Variants in RPL27 observed in about 807,000 individuals in gnomAD.
RPL27 encodes the protein ribosomal protein L27.
For missense variants in RPL27, 131 were observed against 174.3 expected, an observed-to-expected ratio of 0.75 and a Z score of 1.40; for synonymous variants, 77 against 61.0, an observed-to-expected ratio of 1.26 and a Z score of -1.22.
intron 3 of RPL27, among the ~76,000 whole-genome samples, chr17:43,001,903 AAC>A (rs916790448): frequency 3.3e-5 from 5 of 151,382 alleles, no homozygotes; most frequent in East Asian, 1.9e-4. Context: ...CATCCTGGCT[AAC>A]ACAGTGAAAC....
At chr17:43,000,776 CG>C (rs1305261183) in intron 3 of RPL27, among the ~76,000 whole-genome samples, 27 of 149,930 alleles carry the variant, frequency 1.8e-4, no homozygotes, top group Non-Finnish European at 3.6e-4. Flanking sequence ...TACAAGAGGC[CG>C]GGCACAATGG....
At chr17:42,999,047 G>A in intron 2 of RPL27, 1 of 539,036 alleles carries the variant, frequency 1.9e-6, no homozygotes, top group South Asian at 2.1e-5. Context: ...TCCACCAGAG[G>A]CTTTAAATAT....
chr17:43,000,740 G>A lies in RPL27; in HGVS notation c.251+638G>A, dbSNP rs530010184. Among the ~76,000 whole-genome samples the A allele has an allele frequency of 5.4e-5, 8 of 147,276 alleles. No homozygotes were observed. The East Asian group carries it at 1.6e-3, about 29-fold the overall frequency. On this transcript the variant is annotated intron_variant, in intron 3 of 4. Coordinates refer to ENST00000253788, the MANE Select transcript of RPL27 (RefSeq NM_000988.5). ...ATTACAGGCGTGAGCCACCGTGCCC[G>A]GCCAGTACAAGTGTTTTTTAAGAAG... is the stretch of plus-strand genomic sequence containing the variant.
intron 3 of RPL27, among the ~76,000 whole-genome samples, chr17:43,000,432 G>A (rs1652320450): frequency 6.6e-6 from 1 of 151,844 alleles, no homozygotes; most frequent in African/African-American, 2.4e-5. Flanking sequence ...TCACCTGTTG[G>A]GCCCTTTAGT....
chr17:42,999,883 G>A (rs2050340415), intron 2 of RPL27, 50 bp from the exon 3 acceptor site: 2 of 1,506,946 alleles, frequency 1.3e-6, no homozygotes, highest in Non-Finnish European at 1.8e-6. Flanking sequence ...TCTAACACAG[G>A]GCCTAAATAG....
At chr17:42,998,873 C>G in intron 2 of RPL27, 42 bp downstream of exon 2, 1 of 1,552,164 alleles carries the variant, frequency 6.4e-7, no homozygotes, top group Non-Finnish European at 8.9e-7. Context: ...ATGCCGGGAC[C>G]AGGCTGGCTG....
At chr17:42,998,978 G>A (rs2050330081) in intron 2 of RPL27, 147 bp downstream of exon 2, 2 of 620,570 alleles carry the variant, frequency 3.2e-6, no homozygotes, top group Non-Finnish European at 5.7e-6. Context: ...TTTGAGAGAG[G>A]AAGAAGCACA....
At chr17:42,999,768 C>T (rs1293201702) in intron 2 of RPL27, 165 bp from the exon 3 acceptor site, 2 of 594,176 alleles carry the variant, frequency 3.4e-6, no homozygotes, top group South Asian at 2.2e-5. Flanking sequence ...AAACACTGTT[C>T]TGTTTCTCTT....
At position 43,002,797 on chromosome 17, in the gene RPL27, G is replaced by A; in HGVS notation, c.362+14G>A. Reference sequence around the variant, plus strand: ...GTTTGAAGAGAGGTAAGTAGGCTTTGGTAGTGAATGGTGGAGTATGGTTTC... The same window carrying A: ...GTTTGAAGAGAGGTAAGTAGGCTTTAGTAGTGAATGGTGGAGTATGGTTTC... On this transcript the variant is annotated intron_variant, in intron 4 of 4. Transcript: ENST00000253788. The A allele has an allele frequency of 6.2e-7, 1 of 1,604,670 alleles. No homozygotes were observed. Among genetic ancestry groups the A allele is most frequent in the Non-Finnish European group, 8.5e-7 (1 of 1,171,426 alleles).
intron 2 of RPL27, chr17:42,999,082 C>T (rs983077910): frequency 1.1e-5 from 5 of 459,808 alleles, no homozygotes; most frequent in Non-Finnish European, 2.0e-5. Context: ...TGACATTGCA[C>T]GCTTGCTATG....
intron 2 of RPL27, 164 bp downstream of exon 2, chr17:42,998,995 G>C: frequency 1.7e-6 from 1 of 587,016 alleles, no homozygotes; most frequent in Non-Finnish European, 3.0e-6. Flanking sequence ...CACAGTAAAA[G>C]CAAATGTGAG....
intron 2 of RPL27, chr17:42,999,286 A>T (rs1037668258): frequency 6.4e-6 from 1 of 156,824 alleles, no homozygotes; most frequent in Admixed American, 6.4e-5. Flanking sequence ...AGTGGCTGGG[A>T]CTACAGGTGC....
rs2050381790 is a variant in RPL27 at position 43,002,926 on chromosome 17, T to C, written c.*6T>C. On this transcript the variant is annotated 3_prime_UTR_variant, in exon 5 of 5. Coordinates refer to ENST00000253788, the MANE Select transcript of RPL27 (RefSeq NM_000988.5). ...TCCAGAAACTGCGGTTTTAGATGCTTTGTTTTGATCATTAAAAATTATAAA... is the reference window on the plus strand; with the variant it reads ...TCCAGAAACTGCGGTTTTAGATGCTCTGTTTTGATCATTAAAAATTATAAA... 1 of 1,607,800 alleles carries C rather than the reference T, an allele frequency of 6.2e-7. No homozygotes were observed. The highest frequency in any genetic ancestry group is 8.5e-7 in the Non-Finnish European group (1 of 1,174,296).
At chr17:43,001,357 G>A (rs2050359483) in intron 3 of RPL27, among the ~76,000 whole-genome samples, 1 of 151,984 alleles carries the variant, frequency 6.6e-6, no homozygotes, top group African/African-American at 2.4e-5. Context: ...CGGACACCAT[G>A]GCTCACGCCT....
intron 1 of RPL27, 22 bp from the exon 2 acceptor site, chr17:42,998,727 C>G: frequency 6.3e-7 from 1 of 1,593,642 alleles, no homozygotes; most frequent in Non-Finnish European, 8.6e-7. Flanking sequence ...TTTAAGTGGC[C>G]CTTTCTCCTT....
At chr17:43,002,333 G>A (rs146731093) in intron 3 of RPL27, among the ~76,000 whole-genome samples, 1,537 of 151,242 alleles carry the variant, frequency 0.01, 15 homozygotes, top group African/African-American at 0.022. Context: ...GTGAAACCCC[G>A]TCTCTACTAA....
intron 3 of RPL27, among the ~76,000 whole-genome samples, chr17:43,001,751 A>T (rs1308375216): frequency 1.3e-5 from 2 of 151,730 alleles, no homozygotes; most frequent in Non-Finnish European, 2.9e-5. Flanking sequence ...ACAATAAGGA[A>T]ATGATTTCAA....
intron 3 of RPL27, among the ~76,000 whole-genome samples, chr17:43,001,999 CAGG>C (rs2050367623): frequency 2.0e-5 from 3 of 150,894 alleles, no homozygotes; most frequent in African/African-American, 7.4e-5. Flanking sequence ...AAGGCTGAGG[CAGG>C]AGAAGGGCGT....
intron 2 of RPL27, chr17:42,999,428 G>T (rs1465135134): frequency 1.3e-5 from 2 of 155,586 alleles, no homozygotes; most frequent in African/African-American, 4.8e-5. Flanking sequence ...AGGTCACATA[G>T]CCCCTCACTG....
Sources: gnomAD v4.1 joint callset for allele counts (sites outside exome capture counted in the v4.1 genomes callset) on GRCh38, gnomAD v4.1.1 for gene constraint, MANE v1.5 for transcripts, NCBI Gene and HGNC (gene_info 2026-07-23, HGNC 2026-07-21) for gene names.